The following CASZ1 variants were observed in gnomAD, a reference collection of about 807,000 sequenced individuals.
The protein encoded by CASZ1 is zinc finger protein castor homolog 1.
A neutral mutation model predicts 135.2 loss-of-function variants in CASZ1; 28 were observed. That is an observed-to-expected ratio of 0.21 (90% CI 0.15 to 0.28). The LOEUF (loss-of-function observed/expected upper bound fraction) is 0.28. CASZ1 is among the 10% of genes least tolerant of loss of function. The probability of loss-of-function intolerance (pLI) is 1.00; values close to 1 mark genes in which losing one functional copy is unlikely to be tolerated. For synonymous variants in CASZ1, 1,068 were observed against 1,073.4 expected (o/e 0.99, Z 0.10); for missense variants, 2,161 against 2,453.3 (o/e 0.88, Z 2.52).
chr1:10,788,246 C>T lies in CASZ1; in HGVS notation c.-234+8318G>A, dbSNP rs2100627863. ...CGCTACCTGAGCAGGTGGGGTTCCT[C>T]ACAGAGCAACCTGAGTGCTAGCCCC... On this transcript the variant is annotated intron_variant, in intron 1 of 20. Transcript: ENST00000377022. This position sits in a 1 kb window ranked among gnomAD's most constrained non-coding sequence, Gnocchi z 4.1. Among the ~76,000 whole-genome samples, 1 of 152,304 alleles carries T rather than the reference C, an allele frequency of 6.6e-6. No homozygotes were observed. Among genetic ancestry groups the T allele is most frequent in the South Asian group, 2.1e-4 (1 of 4,826 alleles).
intron 8 of CASZ1, 107 bp from the exon 9 acceptor site, chr1:10,655,920 A>G: frequency 8.6e-7 from 1 of 1,161,966 alleles, no homozygotes; most frequent in Admixed American, 1.9e-5. Context: ...GTCTCCCTAG[A>G]AAGAACCCTG....
In CASZ1 at chr1:10,679,605, C is replaced by G. The variant is rs925526918; in HGVS notation, c.17-14034G>C. On this transcript the variant is annotated intron_variant, in intron 4 of 20. Transcript: ENST00000377022. This position sits in a 1 kb window ranked among gnomAD's most constrained non-coding sequence, Gnocchi z 4.7. ...GCCTGCAACAGCTGCACCTCCACCC[C>G]CAGCCTGGGTCGAGTGGGTGGTGGG... Among the ~76,000 whole-genome samples, 2 of 152,212 alleles carry G rather than the reference C, an allele frequency of 1.3e-5. No homozygotes were observed. Among genetic ancestry groups the G allele is most frequent in the Non-Finnish European group, 2.9e-5 (2 of 68,040 alleles).
intron 4 of CASZ1, among the ~76,000 whole-genome samples, chr1:10,693,220 G>A (rs1347772985): frequency 2.0e-5 from 3 of 152,022 alleles, no homozygotes; most frequent in Non-Finnish European, 4.4e-5. Context: ...GAGGCAGGTG[G>A]GAGACAGTCC....
rs547277782 is a variant in CASZ1, at chr1:10,706,811, G to A, written c.-76-1267C>T. Among the ~76,000 whole-genome samples, 4 of 152,170 alleles carry A rather than the reference G, an allele frequency of 2.6e-5. No homozygotes were observed. The highest frequency in any genetic ancestry group is 2.1e-4 in the South Asian group (1 of 4,818). ...TGGTGGTTAGGAAGTGCTGCCCCAC[G>A]GGCCTCTGATGCCCATCTCATCCAG... On this transcript the variant is annotated intron_variant, in intron 2 of 20. Transcript: ENST00000377022. The surrounding 1 kb of genome is among the most constrained non-coding windows in gnomAD (Gnocchi z 4.3).
At chr1:10,766,293 C>T (rs1455199670) in intron 1 of CASZ1, among the ~76,000 whole-genome samples, 1 of 152,224 alleles carries the variant, frequency 6.6e-6, no homozygotes, top group Non-Finnish European at 1.5e-5. Context: ...AACTCTGGAA[C>T]CAGACTGCCC....
At position 10,639,968 on chromosome 1, in the gene CASZ1, C is replaced by G; in HGVS notation, c.4254G>C (p.Thr1418=). 3.7e-6 allele frequency: 6 copies of G among 1,612,864 alleles called. No individual in the cohort carries two copies. The highest frequency in any genetic ancestry group is 5.1e-6 in the Non-Finnish European group (6 of 1,180,002). The change falls in exon 21 of 21, where the codon ACG becomes ACC. Residue 1418 remains threonine, a synonymous_variant. Transcript: ENST00000377022. The surrounding 1 kb of genome is among the most constrained non-coding windows in gnomAD (Gnocchi z 4.0). The stretch of plus-strand genomic sequence containing the variant: ...CGTCCAGCATCTTCCGGGAGGACGC[C>G]GTCTTCCGCCGCTTGCCGAAGGGCG... ...DMSPFGKRRK[T]ASSRKMLDEG... is the part of the protein sequence containing the mutation.
At chr1:10,664,976 T>A (rs973509122) in intron 5 of CASZ1, 107 bp downstream of exon 5, 28 of 1,260,752 alleles carry the variant, frequency 2.2e-5, no homozygotes, top group Non-Finnish European at 2.7e-5. Flanking sequence ...GGGGCCGGTA[T>A]TTAGAGCAGG....
chr1:10,651,065 G>C lies in CASZ1; in HGVS notation c.2692C>G (p.Gln898Glu). 1 of 1,527,772 alleles carries C rather than the reference G, an allele frequency of 6.5e-7. No homozygotes were observed. The highest frequency in any genetic ancestry group is 8.7e-7 in the Non-Finnish European group (1 of 1,145,986). 94.6% of individuals were successfully genotyped at this position (1,527,772 alleles called of 1,614,324 possible). A position where few individuals can be genotyped will look rare whatever the true frequency, so the allele number is the denominator to read the frequency against. Residue 898 changes from glutamine to glutamate, a missense_variant, in exon 12 of 21, where the codon CAG becomes GAG. Coordinates refer to ENST00000377022, the MANE Select transcript of CASZ1 (RefSeq NM_001079843.3). ...GGGGGGAACCTGGCTGGGGTGACCT[G>C]CTGCCCGCTTCCTGCAGGGGAGGGG... ...SATFDPGSGQ[Q>E]VTPARFPPAQ...
chr1:10,701,137 T>C lies in CASZ1; in HGVS notation c.-24+4355A>G, dbSNP rs962578852. ...GGCCCCTGATGCCAGGGCCAGCAGG[T>C]TGTCAAGGAGCTGAGCTGCCCCAGG... On this transcript the variant is annotated intron_variant, in intron 3 of 20. Coordinates refer to ENST00000377022, the MANE Select transcript of CASZ1 (RefSeq NM_001079843.3). The surrounding 1 kb of genome is among the most constrained non-coding windows in gnomAD (Gnocchi z 6.3). Among the ~76,000 whole-genome samples, 4 of 152,144 alleles carry C rather than the reference T, an allele frequency of 2.6e-5. No homozygotes were observed. Among genetic ancestry groups the C allele is most frequent in the Non-Finnish European group, 5.9e-5 (4 of 68,036 alleles).
chr1:10,785,577 C>T (rs555757040), intron 1 of CASZ1, among the ~76,000 whole-genome samples: 6 of 152,248 alleles, frequency 3.9e-5, no homozygotes, highest in African/African-American at 7.2e-5. Context: ...TCCACCCCAC[C>T]TCTGCTTCTC....
Position 10,679,177 on chromosome 1 carries a change from G to A in CASZ1, c.17-13606C>T, listed in dbSNP as rs188558205. Among the ~76,000 whole-genome samples the A allele has an allele frequency of 3.8e-3, 586 of 152,310 alleles. 4 individuals are homozygous for A. Among genetic ancestry groups the A allele is most frequent in the African/African-American group, 0.013 (541 of 41,568 alleles). ...CTGCAGGGCTGGCACAGAGCTCTCC[G>A]CCAGGGCCTGCTGCTTTTGATGAAA... On this transcript the variant is annotated intron_variant, in intron 4 of 20. Transcript: ENST00000377022. The surrounding 1 kb of genome is among the most constrained non-coding windows in gnomAD (Gnocchi z 4.7).
At position 10,653,364 on chromosome 1, in the gene CASZ1, C is replaced by T; in HGVS notation, c.2680+13G>A. 1 of 1,612,958 alleles carries T rather than the reference C, an allele frequency of 6.2e-7. No homozygotes were observed. The highest frequency in any genetic ancestry group is 8.5e-7 in the Non-Finnish European group (1 of 1,179,876). ...AAGGTGCCTGCTTTCTGGGCAGGAC[C>T]CAGCCTGCTCACCTGGGTCAAAGGT... On this transcript the variant is annotated intron_variant, in intron 11 of 20. Transcript: ENST00000377022.
Position 10,639,306 on chromosome 1 carries a change from A to C in CASZ1, c.4916T>G (p.Leu1639Arg). ...GCCCGCGTCGCCCAGCGCCAGGCCC[A>C]GGCCGGCGGCCGCCGACTGCAGGAA... ...LLFLQSAAAGLGLALGDAGDP... is the reference protein window; with the variant it reads ...LLFLQSAAAGRGLALGDAGDP... The change falls in exon 21 of 21, where the codon CTG becomes CGG. Residue 1639 changes from leucine (L) to arginine (R), a missense_variant. By Grantham distance (102) the Leu-to-Arg change is moderately radical (BLOSUM62 -2). Transcript: ENST00000377022. The surrounding 1 kb of genome is among the most constrained non-coding windows in gnomAD (Gnocchi z 4.0). 4 of 1,404,256 alleles carry C rather than the reference A, an allele frequency of 2.8e-6. No homozygotes were observed. Among genetic ancestry groups the C allele is most frequent in the Non-Finnish European group, 3.7e-6 (4 of 1,087,454 alleles). The allele number at this position is 1,404,256 out of a possible 1,614,324, so 87.0% of individuals were successfully genotyped here. A position where few individuals can be genotyped will look rare whatever the true frequency, so the allele number is the denominator to read the frequency against.
chr1:10,751,670 C>T (rs1210089957), intron 2 of CASZ1, among the ~76,000 whole-genome samples: 1 of 152,182 alleles, frequency 6.6e-6, no homozygotes, highest in Non-Finnish European at 1.5e-5. Context: ...GCTGAGAGCT[C>T]GGGAAGCGGA....
At chr1:10,761,507 G>T (rs571268005) in intron 1 of CASZ1, among the ~76,000 whole-genome samples, 1 of 152,178 alleles carries the variant, frequency 6.6e-6, no homozygotes, top group African/African-American at 2.4e-5. Flanking sequence ...TGCCCTGAAA[G>T]GGGGCTGCTG....
At position 10,647,087 on chromosome 1, in the gene CASZ1, A is replaced by T; in HGVS notation, c.3497+714T>A. ...CCAGGCCAGGGAAACCTGAGCTGCTACTCTGGGGAGGAGGAGGGGGAGGGG... is the reference window on the plus strand; with the variant it reads ...CCAGGCCAGGGAAACCTGAGCTGCTTCTCTGGGGAGGAGGAGGGGGAGGGG... On this transcript the variant is annotated intron_variant, in intron 16 of 20. Transcript: ENST00000377022. This position sits in a 1 kb window ranked among gnomAD's most constrained non-coding sequence, Gnocchi z 4.9. 3.9e-6 allele frequency: 1 copy of T among 255,960 alleles called. No homozygotes were observed. The highest frequency in any genetic ancestry group is 5.7e-6 in the Non-Finnish European group (1 of 176,420). The allele number at this position is 255,960 out of a possible 1,614,324, so 15.9% of individuals were successfully genotyped here.
At chr1:10,654,823 CT>C (rs1642734334) in intron 9 of CASZ1, among the ~76,000 whole-genome samples, 1 of 152,378 alleles carries the variant, frequency 6.6e-6, no homozygotes, top group East Asian at 1.9e-4. Context: ...CTGGCTCCGT[CT>C]GTGCTGAGGA....
intron 2 of CASZ1, among the ~76,000 whole-genome samples, chr1:10,751,941 C>T (rs1028800970): frequency 1.3e-5 from 2 of 152,218 alleles, no homozygotes; most frequent in Non-Finnish European, 2.9e-5. Flanking sequence ...CCTAAGCTCT[C>T]TGTCCACAGG....
chr1:10,690,804 G>A (rs1638742605), intron 4 of CASZ1, among the ~76,000 whole-genome samples: 1 of 152,204 alleles, frequency 6.6e-6, no homozygotes, highest in African/African-American at 2.4e-5. Context: ...AGAAGAGAAG[G>A]GGCAACTATC....
Sources: allele counts gnomAD v4.1 joint callset (sites outside exome capture counted in the v4.1 genomes callset), GRCh38; gene constraint gnomAD v4.1.1; non-coding constraint Gnocchi (gnomAD v3.1); transcripts MANE v1.5; gene names NCBI Gene and HGNC (gene_info 2026-07-23, HGNC 2026-07-21).